PRKCH: variants seen among roughly 807,000 people sequenced by gnomAD.
PRKCH encodes protein kinase C eta type.
PRKCH carries 28 observed loss-of-function variants against 82.5 expected under a neutral mutation model. The observed-to-expected ratio is 0.34, with a 90% CI of 0.25 to 0.47. The LOEUF is 0.47. Ranked by LOEUF, PRKCH falls within the 20% of genes least tolerant of loss-of-function variation. The pLI, the probability that PRKCH is intolerant of heterozygous loss-of-function variation, is 1.00. For missense variants in PRKCH, 705 were observed against 881.8 expected (o/e 0.80, Z 2.54); for synonymous variants, 322 against 327.4 (o/e 0.98, Z 0.18).
intron 1 of PRKCH, among the ~76,000 whole-genome samples, chr14:61,370,210 T>G (rs1309435546): frequency 6.6e-6 from 1 of 152,134 alleles, no homozygotes; most frequent in Non-Finnish European, 1.5e-5. Context: ...CCCAAAGCGT[T>G]GGGATTACAG....
intron 10 of PRKCH, among the ~76,000 whole-genome samples, chr14:61,497,424 T>C (rs1886717952): frequency 6.6e-6 from 1 of 152,232 alleles, no homozygotes; most frequent in South Asian, 2.1e-4. Flanking sequence ...ATGTTCACTT[T>C]TAAACATTCT....
intron 1 of PRKCH, among the ~76,000 whole-genome samples, chr14:61,326,270 G>T (rs899605931): frequency 6.6e-6 from 1 of 152,088 alleles, no homozygotes; most frequent in Non-Finnish European, 1.5e-5. Context: ...TAAAAAAGAT[G>T]AACTATTACA....
At chr14:61,212,128 T>C (rs533256054) in intron 1 of PRKCH, among the ~76,000 whole-genome samples, 6 of 152,334 alleles carry the variant, frequency 3.9e-5, no homozygotes, top group African/African-American at 1.4e-4. Context: ...CTAGCAAGCC[T>C]GTGGCTTTCA....
At chr14:61,404,526 C>A (rs555639131) in intron 2 of PRKCH, among the ~76,000 whole-genome samples, 1 of 117,088 alleles carries the variant, frequency 8.5e-6, no homozygotes, top group African/African-American at 3.3e-5. Context: ...TGTATATATT[C>A]ATGCATGTGT....
intron 1 of PRKCH, among the ~76,000 whole-genome samples, chr14:61,248,772 GTA>G (rs2044909926): frequency 3.0e-5 from 3 of 99,282 alleles, no homozygotes; most frequent in South Asian, 3.3e-4. Context: ...ATGTATGTAT[GTA>G]TGTATGTATG....
chr14:61,406,616 GACA>G lies in PRKCH; in HGVS notation c.427+15336_427+15338del, dbSNP rs533781493. 6.4e-4 allele frequency among the ~76,000 whole-genome samples: 97 copies of G among 152,258 alleles called. No individual in the cohort carries two copies. The South Asian group carries it at 0.011, about 17-fold the overall frequency. On this transcript the variant is annotated intron_variant, in intron 2 of 13. Coordinates refer to ENST00000332981, the MANE Select transcript of PRKCH (RefSeq NM_006255.5). ...GTTTGATTAATACTGTTCTTAAAAT[GACA>G]ACAACAATTGTGAAAGGAAATTTCA...
chr14:61,546,427 C>A (rs1334907896), intron 12 of PRKCH, among the ~76,000 whole-genome samples: 1 of 152,198 alleles, frequency 6.6e-6, no homozygotes, highest in Non-Finnish European at 1.5e-5. Context: ...TCAGTATATT[C>A]ATTTATTAGC....
rs145843603 is a variant in PRKCH at position 61,527,418 on chromosome 14, C to T, written c.1434-1657C>T. Among the ~76,000 whole-genome samples the T allele has an allele frequency of 7.0e-4, 106 of 152,300 alleles. 1 individual carries two copies. In the East Asian group the frequency reaches 0.018, roughly 26 times the overall value. On this transcript the variant is annotated intron_variant, in intron 10 of 13. Transcript: ENST00000332981. ...ATCATTTCTGCTGCTTCTCTCTATC[C>T]GTCTATCTCTAAGTGATTATCAAGC...
At chr14:61,328,468 C>G (rs1398884516) in intron 1 of PRKCH, among the ~76,000 whole-genome samples, 2 of 137,920 alleles carry the variant, frequency 1.5e-5, no homozygotes, top group African/African-American at 5.3e-5. Flanking sequence ...AGCAAGACAT[C>G]AGCATTTAAA....
rs2045630529 is a variant in PRKCH at position 61,321,965 on chromosome 14, A to AG, written c.-133dup. ...ACGGAGGAGGCAGAATGGCCAGTCG[A>AG]GGGGCGCTTAGGCGCTGCCTTTCCC... is the stretch of plus-strand genomic sequence containing the variant. On this transcript the variant is annotated 5_prime_UTR_variant, in exon 1 of 14. An upstream open reading frame in the 5' UTR gains an earlier in-frame stop. Transcript: ENST00000332981. The surrounding 1 kb of genome is among the most constrained non-coding windows in gnomAD (Gnocchi z 4.1). 6.5e-6 allele frequency: 6 copies of AG among 918,798 alleles called. No individual in the cohort carries two copies. Among genetic ancestry groups the AG allele is most frequent in the Admixed American group, 3.0e-5 (1 of 33,862 alleles). The allele number at this position is 918,798 out of a possible 1,614,324, so 56.9% of individuals were successfully genotyped here.
At chr14:61,537,167 T>C (rs778731692) in intron 12 of PRKCH, among the ~76,000 whole-genome samples, 1 of 152,212 alleles carries the variant, frequency 6.6e-6, no homozygotes, top group Non-Finnish European at 1.5e-5. Flanking sequence ...TTCTCATCTT[T>C]GCTTCAAATG....
intron 10 of PRKCH, among the ~76,000 whole-genome samples, chr14:61,514,008 GTTC>G (rs1465056833): frequency 3.3e-5 from 5 of 152,080 alleles, no homozygotes; most frequent in African/African-American, 7.3e-5. Context: ...ACTCGAGACA[GTTC>G]TTCTTCTTGT....
At chr14:61,286,501 G>A (rs1206812128) in intron 1 of PRKCH, among the ~76,000 whole-genome samples, 1 of 152,246 alleles carries the variant, frequency 6.6e-6, no homozygotes, top group Non-Finnish European at 1.5e-5. Flanking sequence ...TGGTCAAAGA[G>A]AGGGTGAACT....
chr14:61,380,557 G>A lies in PRKCH; in HGVS notation c.364-10668G>A, dbSNP rs1393547711. Among the ~76,000 whole-genome samples the A allele has an allele frequency of 2.6e-5, 4 of 152,302 alleles. No individual in the cohort carries two copies. The South Asian group carries it at 8.3e-4, about 32-fold the overall frequency. ...CTTTGGACCTGATGGGCTGGGCTTG[G>A]TCTCTTCAGAGCCTCTGTCCTCATT... On this transcript the variant is annotated intron_variant, in intron 1 of 13. Transcript: ENST00000332981.
chr14:61,381,453 T>C (rs1220757834), intron 1 of PRKCH, among the ~76,000 whole-genome samples: 1 of 152,228 alleles, frequency 6.6e-6, no homozygotes, highest in Non-Finnish European at 1.5e-5. Flanking sequence ...CTAGTGTCAT[T>C]GTTATAGAGA....
At chr14:61,505,736 C>G (rs1352578792) in intron 10 of PRKCH, among the ~76,000 whole-genome samples, 1 of 152,044 alleles carries the variant, frequency 6.6e-6, no homozygotes, top group Non-Finnish European at 1.5e-5. Flanking sequence ...GACCTAGCCA[C>G]CTCCCAAAGG....
At chr14:61,455,032 ATT>A (rs60420757) in intron 7 of PRKCH, among the ~76,000 whole-genome samples, 5 of 142,296 alleles carry the variant, frequency 3.5e-5, no homozygotes. Context: ...TTCATTGACA[ATT>A]TTTTTTTTTT....
At chr14:61,512,598 A>T (rs1046144009) in intron 10 of PRKCH, among the ~76,000 whole-genome samples, 1 of 152,140 alleles carries the variant, frequency 6.6e-6, no homozygotes, top group Non-Finnish European at 1.5e-5. Context: ...ATGCCTTTTT[A>T]AAAAATACCC....
At chr14:61,531,945 G>A (rs2043048382) in intron 12 of PRKCH, among the ~76,000 whole-genome samples, 1 of 152,196 alleles carries the variant, frequency 6.6e-6, no homozygotes, top group Non-Finnish European at 1.5e-5. Context: ...TTCCTGAAGG[G>A]AAATGTACTC....
Sources: gnomAD v4.1 joint callset for allele counts (sites outside exome capture counted in the v4.1 genomes callset) on GRCh38, gnomAD v4.1.1 for gene constraint, Gnocchi (gnomAD v3.1) non-coding constraint, MANE v1.5 for transcripts, NCBI Gene and HGNC (gene_info 2026-07-23, HGNC 2026-07-21) for gene names.